ERC1: variants seen among roughly 807,000 people sequenced by gnomAD.
The protein encoded by ERC1 is ELKS/RAB6-interacting/CAST family member 1.
ERC1 carries 56 observed loss-of-function variants against 132.0 expected under a neutral mutation model. The ratio of observed to expected loss-of-function variants is 0.42; its 90% CI spans 0.34 to 0.53. The LOEUF (loss-of-function observed/expected upper bound fraction) is 0.53, where lower values mean the gene tolerates loss of function less well. ERC1 is among the 20% of genes least tolerant of loss of function. The pLI is 0.03. For missense variants in ERC1, 1,202 were observed against 1,349.9 expected (o/e 0.89, Z 1.72); for synonymous variants, 478 against 476.1 (o/e 1.00, Z -0.05).
chr12:1,083,885 C>T (rs930457386), intron 3 of ERC1, among the ~76,000 whole-genome samples: 2 of 152,186 alleles, frequency 1.3e-5, no homozygotes, highest in Non-Finnish European at 2.9e-5. Flanking sequence ...ATCTCTAGAT[C>T]TGTTCATAGA....
intron 18 of ERC1, among the ~76,000 whole-genome samples, chr12:1,478,798 A>AAGAG (rs916577984): frequency 6.6e-6 from 1 of 151,022 alleles, no homozygotes; most frequent in Non-Finnish European, 1.5e-5. Flanking sequence ...CAATAAAAAA[A>AAGAG]AGAGAGAGAG....
intron 15 of ERC1, among the ~76,000 whole-genome samples, chr12:1,327,004 C>T (rs762167130): frequency 3.9e-5 from 6 of 151,926 alleles, no homozygotes; most frequent in South Asian, 4.2e-4. Context: ...CATGTTACCT[C>T]GTTAATAGTC....
At chr12:1,006,033 C>G (rs1004801440) in intron 1 of ERC1, among the ~76,000 whole-genome samples, 2 of 151,470 alleles carry the variant, frequency 1.3e-5, no homozygotes, top group Non-Finnish European at 1.5e-5. Context: ...TCTTGGCTCA[C>G]TGCAACCTCT....
At chr12:1,007,874 A>T (rs1963999588) in intron 1 of ERC1, among the ~76,000 whole-genome samples, 1 of 152,140 alleles carries the variant, frequency 6.6e-6, no homozygotes, top group Non-Finnish European at 1.5e-5. Flanking sequence ...AGAAAATAAT[A>T]TCTGGCTACA....
chr12:1,279,928 T>C, intron 14 of ERC1, among the ~76,000 whole-genome samples: 1 of 152,158 alleles, frequency 6.6e-6, no homozygotes, highest in East Asian at 1.9e-4. Flanking sequence ...ACTCCTGACC[T>C]CATGATCCAC....
chr12:1,198,030 A>T (rs915193522), intron 12 of ERC1, among the ~76,000 whole-genome samples: 1 of 151,596 alleles, frequency 6.6e-6, no homozygotes, highest in Admixed American at 6.6e-5. Context: ...GGCTCAGGTG[A>T]TCCGCCCACC....
Position 1,383,941 on chromosome 12 carries a change from G to A in ERC1, c.2925+11964G>A, listed in dbSNP as rs190241080. On this transcript the variant is annotated intron_variant, in intron 16 of 18. Transcript: ENST00000360905. ...CCTCATTTTACAGAGAGGGAAAGAGGTTAAGTAACTTGCCCTAAGTCCCGT... is the reference window on the plus strand; with the variant it reads ...CCTCATTTTACAGAGAGGGAAAGAGATTAAGTAACTTGCCCTAAGTCCCGT... Among the ~76,000 whole-genome samples the A allele has an allele frequency of 4.1e-3, 622 of 152,180 alleles. 9 individuals carry two copies. The highest frequency in any genetic ancestry group is 0.013 in the African/African-American group (558 of 41,510).
At chr12:1,165,381 C>A (rs1393618377) in intron 8 of ERC1, among the ~76,000 whole-genome samples, 1 of 151,862 alleles carries the variant, frequency 6.6e-6, no homozygotes, top group Non-Finnish European at 1.5e-5. Context: ...TCTTGGCTCA[C>A]TGCAAGTTCC....
rs1462489301 is a variant in ERC1 at position 1,122,039 on chromosome 12, ATCTC to A, written c.1569+6008_1569+6011del. On this transcript the variant is annotated intron_variant, in intron 7 of 18. Transcript: ENST00000360905. ...TCTATCTCTATCTCTATCTATCTCT[ATCTC>A]TATCTATCTATCTCTATCTCTATCT... 9.3e-4 allele frequency among the ~76,000 whole-genome samples: 2 copies of A among 2,140 alleles called. 1 individual carries two copies. Among genetic ancestry groups the A allele is most frequent in the African/African-American group, 1.0e-3 (2 of 1,952 alleles). 1.4% of individuals were successfully genotyped at this position (2,140 alleles called of 152,430 possible). A position where few individuals can be genotyped will look rare whatever the true frequency, so the allele number is the denominator to read the frequency against.
intron 1 of ERC1, among the ~76,000 whole-genome samples, chr12:999,049 G>A (rs925363193): frequency 6.6e-6 from 1 of 151,788 alleles, no homozygotes; most frequent in Non-Finnish European, 1.5e-5. Flanking sequence ...TAGTAGAGAT[G>A]GGGTTTCACC....
At chr12:1,411,648 G>A (rs1228369376) in intron 17 of ERC1, among the ~76,000 whole-genome samples, 1 of 152,150 alleles carries the variant, frequency 6.6e-6, no homozygotes, top group Non-Finnish European at 1.5e-5. Context: ...GACAAGGGTA[G>A]GTATTTGTCA....
At chr12:1,353,392 A>G (rs185920688) in intron 15 of ERC1, among the ~76,000 whole-genome samples, 13 of 152,324 alleles carry the variant, frequency 8.5e-5, no homozygotes, top group Admixed American at 5.9e-4. Flanking sequence ...AAGGACAGTT[A>G]TTTGAAAGAA....
intron 15 of ERC1, among the ~76,000 whole-genome samples, chr12:1,361,384 T>C (rs1357474911): frequency 1.3e-5 from 2 of 152,096 alleles, no homozygotes; most frequent in South Asian, 2.1e-4. Flanking sequence ...ATTGTGCACA[T>C]GTACCCTAAA....
chr12:1,185,772 TAGAA>T (rs964205209), intron 11 of ERC1, among the ~76,000 whole-genome samples: 11 of 150,672 alleles, frequency 7.3e-5, no homozygotes, highest in Non-Finnish European at 1.5e-4. Context: ...GACTACAAAA[TAGAA>T]AGGCTTCTCT....
intron 1 of ERC1, among the ~76,000 whole-genome samples, chr12:1,013,888 C>T (rs893506558): frequency 6.6e-6 from 1 of 152,114 alleles, no homozygotes; most frequent in Admixed American, 6.6e-5. Flanking sequence ...TGTGCCACCA[C>T]ACCTGGCTAA....
At chr12:1,166,109 G>A (rs147620446) in intron 8 of ERC1, among the ~76,000 whole-genome samples, 190 of 152,256 alleles carry the variant, frequency 1.2e-3, no homozygotes, top group African/African-American at 4.5e-3. Flanking sequence ...TTTGGGAGGG[G>A]CTGGGTCGAA....
At chr12:1,193,861 C>T (rs1370342302) in intron 12 of ERC1, among the ~76,000 whole-genome samples, 1 of 152,176 alleles carries the variant, frequency 6.6e-6, no homozygotes, top group Non-Finnish European at 1.5e-5. Flanking sequence ...CCTTCACAAG[C>T]ACCATCTAGA....
intron 18 of ERC1, among the ~76,000 whole-genome samples, chr12:1,486,372 T>C (rs1565536177): frequency 3.3e-5 from 5 of 152,026 alleles, no homozygotes. Context: ...TGTTTTTTTT[T>C]CTTTATTTTC....
intron 13 of ERC1, among the ~76,000 whole-genome samples, chr12:1,237,602 G>A (rs949646397): frequency 2.0e-5 from 3 of 152,194 alleles, no homozygotes; most frequent in Non-Finnish European, 2.9e-5. Flanking sequence ...AGGTGGTATT[G>A]TATACATTTT....
Sources: gnomAD v4.1 joint callset for allele counts (sites outside exome capture counted in the v4.1 genomes callset) on GRCh38, gnomAD v4.1.1 for gene constraint, MANE v1.5 for transcripts, NCBI Gene and HGNC (gene_info 2026-07-23, HGNC 2026-07-21) for gene names.